CALCRL: variants seen among roughly 807,000 people sequenced by gnomAD.
CALCRL encodes calcitonin receptor like receptor, also known as calcitonin gene-related peptide type 1 receptor.
In CALCRL, 27 loss-of-function variants were observed where a neutral mutation model predicts 60.4. The ratio of observed to expected loss-of-function variants is 0.45; its 90% CI spans 0.33 to 0.62. The LOEUF (loss-of-function observed/expected upper bound fraction) is 0.62. Among genes scored for constraint, CALCRL ranks in the 20% least tolerant of loss-of-function variants. The pLI, the probability that CALCRL is intolerant of heterozygous loss-of-function variation, is 0.03. For synonymous variants in CALCRL, 190 were observed against 182.6 expected (o/e 1.04, Z -0.33); for missense variants, 424 against 540.7 (o/e 0.78, Z 2.14).
chr2:187,385,164 C>T (rs1482870812), intron 4 of CALCRL, among the ~76,000 whole-genome samples: 3 of 152,256 alleles, frequency 2.0e-5, no homozygotes, highest in East Asian at 1.9e-4. Context: ...ACTGGCAGAA[C>T]GGGAGAAACA....
chr2:187,428,935 G>A (rs1368097752), intron 1 of CALCRL: 1 of 151,036 alleles, frequency 6.6e-6, no homozygotes, highest in African/African-American at 2.4e-5. Flanking sequence ...CTTTTCTGGA[G>A]TATTTTCATA....
chr2:187,423,463 A>C (rs573408962), intron 1 of CALCRL, among the ~76,000 whole-genome samples: 94 of 151,988 alleles, frequency 6.2e-4, no homozygotes, highest in African/African-American at 2.2e-3. Context: ...TCAAAATCAT[A>C]TTTTCCTCAT....
intron 8 of CALCRL, among the ~76,000 whole-genome samples, chr2:187,367,892 T>A (rs954530159): frequency 6.6e-6 from 1 of 152,100 alleles, no homozygotes; most frequent in African/African-American, 2.4e-5. Flanking sequence ...CATGCAATTT[T>A]GGCCAGCAGA....
chr2:187,376,252 T>A (rs1687751917), intron 8 of CALCRL, among the ~76,000 whole-genome samples: 1 of 152,142 alleles, frequency 6.6e-6, no homozygotes, highest in African/African-American at 2.4e-5. Context: ...TTTTTTAAAT[T>A]TTTTTAATTG....
intron 1 of CALCRL, among the ~76,000 whole-genome samples, chr2:187,421,921 T>C (rs534054448): frequency 6.6e-6 from 1 of 152,286 alleles, no homozygotes; most frequent in Admixed American, 6.5e-5. Context: ...TCAAAGCTTC[T>C]TGGCACATTA....
chr2:187,364,480 TA>T (rs1267680159), intron 8 of CALCRL, among the ~76,000 whole-genome samples: 1 of 151,952 alleles, frequency 6.6e-6, no homozygotes, highest in Non-Finnish European at 1.5e-5. Flanking sequence ...GTTTTTTTTT[TA>T]AATATGCTAT....
chr2:187,406,465 T>G (rs1689132324), intron 1 of CALCRL, among the ~76,000 whole-genome samples: 1 of 152,036 alleles, frequency 6.6e-6, no homozygotes, highest in Non-Finnish European at 1.5e-5. Flanking sequence ...TTAGGTGAAT[T>G]CTGTCTCTGC....
chr2:187,347,635 A>G (rs1299088185), intron 14 of CALCRL, among the ~76,000 whole-genome samples: 1 of 151,778 alleles, frequency 6.6e-6, no homozygotes, highest in Non-Finnish European at 1.5e-5. Context: ...AAACACACAC[A>G]CACACACATA....
chr2:187,445,301 C>T (rs1691122510), intron 1 of CALCRL, among the ~76,000 whole-genome samples: 1 of 151,396 alleles, frequency 6.6e-6, no homozygotes, highest in Non-Finnish European at 1.5e-5. Context: ...CGCAATAAAG[C>T]AAAAGATTTT....
At position 187,423,362 on chromosome 2, in the gene CALCRL, GT is replaced by G. The variant is rs77362361; in HGVS notation, c.-293+24676del. Among the ~76,000 whole-genome samples, 651 of 142,018 alleles carry G rather than the reference GT, an allele frequency of 4.6e-3. 2 individuals are homozygous for G. The highest frequency in any genetic ancestry group is 0.012 in the African/African-American group (479 of 38,940). 93.2% of individuals were successfully genotyped at this position (142,018 alleles called of 152,430 possible). On this transcript the variant is annotated intron_variant, in intron 1 of 14. Coordinates refer to ENST00000392370, the MANE Select transcript of CALCRL (RefSeq NM_005795.6). ...TGCTTCAAAGTTACATGTATGTATG[GT>G]TTTTTTTTTTTTACCAACTGTACAT...
intron 7 of CALCRL, among the ~76,000 whole-genome samples, chr2:187,379,637 C>T (rs1687908729): frequency 6.6e-6 from 1 of 152,042 alleles, no homozygotes; most frequent in Non-Finnish European, 1.5e-5. Context: ...CCAATTCTTA[C>T]CTGAATAAGC....
At chr2:187,380,402 A>G (rs1267390388) in intron 7 of CALCRL, 65 bp downstream of exon 7, 25 of 873,384 alleles carry the variant, frequency 2.9e-5, no homozygotes, top group Non-Finnish European at 4.0e-5. Flanking sequence ...TTAATACAGT[A>G]TTGGACAAAG....
chr2:187,363,543 G>T (rs1687150237), intron 8 of CALCRL, 41 bp from the exon 9 acceptor site: 1 of 1,519,286 alleles, frequency 6.6e-7, no homozygotes, highest in Non-Finnish European at 8.8e-7. Flanking sequence ...ATCATGAAAT[G>T]TTTTTTTATT....
chr2:187,396,565 A>AT (rs1334594556), intron 1 of CALCRL, among the ~76,000 whole-genome samples: 3 of 151,884 alleles, frequency 2.0e-5, no homozygotes, highest in Non-Finnish European at 4.4e-5. Flanking sequence ...TATAAGACAC[A>AT]TTAAAAAATG....
intron 1 of CALCRL, among the ~76,000 whole-genome samples, chr2:187,391,166 C>T (rs1688425789): frequency 6.6e-6 from 1 of 152,122 alleles, no homozygotes; most frequent in Admixed American, 6.6e-5. Context: ...TAACTGTAAT[C>T]CTTGGTTTCA....
At chr2:187,383,120 G>A (rs1042016206) in intron 5 of CALCRL, 53 bp downstream of exon 5, 18 of 1,570,342 alleles carry the variant, frequency 1.1e-5, no homozygotes, top group Non-Finnish European at 1.5e-5. Context: ...AATGGGAGTA[G>A]TTTTCTTTTA....
intron 8 of CALCRL, among the ~76,000 whole-genome samples, chr2:187,372,092 C>T (rs7589163): frequency 0.68 from 103,082 of 151,762 alleles, 35,200 homozygotes; most frequent in East Asian, 0.87. Flanking sequence ...AACTTGGCTT[C>T]TAAATTGTTT....
intron 14 of CALCRL, among the ~76,000 whole-genome samples, chr2:187,350,977 C>G (rs1015874262): frequency 6.6e-6 from 1 of 151,298 alleles, no homozygotes; most frequent in Non-Finnish European, 1.5e-5. Flanking sequence ...TGAGCTATAA[C>G]ACATTTGTAT....
At chr2:187,380,957 T>C (rs1353417755) in intron 5 of CALCRL, among the ~76,000 whole-genome samples, 170 bp from the exon 6 acceptor site, 1 of 151,966 alleles carries the variant, frequency 6.6e-6, no homozygotes, top group Non-Finnish European at 1.5e-5. Flanking sequence ...CCAAGTAATA[T>C]TATAATAATT....
Sources: allele counts gnomAD v4.1 joint callset (sites outside exome capture counted in the v4.1 genomes callset), GRCh38; gene constraint gnomAD v4.1.1; transcripts MANE v1.5; gene names NCBI Gene and HGNC (gene_info 2026-07-23, HGNC 2026-07-21).